The following SPON1 variants were observed in gnomAD, a reference collection of about 807,000 sequenced individuals.
SPON1 encodes the protein spondin-1.
Under a neutral mutation model 111.7 loss-of-function variants are expected in SPON1, and 52 were observed. The ratio of observed to expected loss-of-function variants is 0.47; its 90% CI spans 0.37 to 0.59. The LOEUF (loss-of-function observed/expected upper bound fraction) is 0.59, where lower values mean the gene tolerates loss of function less well. SPON1 is among the 20% of genes least tolerant of loss of function. The probability of loss-of-function intolerance (pLI) is 0.00; values close to 1 mark genes in which losing one functional copy is unlikely to be tolerated. For synonymous variants in SPON1, 410 were observed against 395.8 expected, an observed-to-expected ratio of 1.04 and a Z score of -0.43; for missense variants, 957 against 1,068.5, an observed-to-expected ratio of 0.90 and a Z score of 1.46.
chr11:14,227,772 T>TC (rs1554938278), intron 6 of SPON1, among the ~76,000 whole-genome samples: 1 of 152,186 alleles, frequency 6.6e-6, no homozygotes, highest in Non-Finnish European at 1.5e-5. Context: ...TAAGTAACAT[T>TC]CCCAGGGTTA....
intron 6 of SPON1, among the ~76,000 whole-genome samples, chr11:14,139,296 T>C (rs1468609762): frequency 6.6e-6 from 1 of 152,214 alleles, no homozygotes; most frequent in Admixed American, 6.5e-5. Flanking sequence ...ATTCATCCCT[T>C]AGGACTTAGC....
chr11:14,148,330 T>C (rs1554929557), intron 6 of SPON1, among the ~76,000 whole-genome samples: 2 of 152,154 alleles, frequency 1.3e-5, no homozygotes. Context: ...AGAATATTAA[T>C]AGTGGTTGCC....
rs782352199 is a variant in SPON1 at position 14,259,507 on chromosome 11, C to A, written c.1664-27C>A. ...AAGTAGGTCGGGGAGGCAGCAGGTGCGACTCCAATGCCGCTGGCCTCCCCA... is the reference window on the plus strand; with the variant it reads ...AAGTAGGTCGGGGAGGCAGCAGGTGAGACTCCAATGCCGCTGGCCTCCCCA... On this transcript the variant is annotated intron_variant, in intron 12 of 15. Coordinates refer to ENST00000576479, the MANE Select transcript of SPON1 (RefSeq NM_006108.4). This position sits in a 1 kb window ranked among gnomAD's most constrained non-coding sequence, Gnocchi z 5.0. 4 of 1,565,270 alleles carry A rather than the reference C, an allele frequency of 2.6e-6. No homozygotes were observed. The highest frequency in any genetic ancestry group is 3.5e-6 in the Non-Finnish European group (4 of 1,155,362).
At chr11:14,113,743 C>T (rs1489695788) in intron 5 of SPON1, among the ~76,000 whole-genome samples, 1 of 151,382 alleles carries the variant, frequency 6.6e-6, no homozygotes, top group Non-Finnish European at 1.5e-5. Flanking sequence ...GCTGGGACTA[C>T]AGGCGCCCGC....
chr11:14,247,119 T>C (rs1393913738), intron 7 of SPON1, among the ~76,000 whole-genome samples: 1 of 152,202 alleles, frequency 6.6e-6, no homozygotes, highest in Non-Finnish European at 1.5e-5. Context: ...TTAAAAGTCA[T>C]GAGTAAGACC....
intron 6 of SPON1, among the ~76,000 whole-genome samples, chr11:14,236,392 A>G (rs145170701): frequency 1.3e-5 from 2 of 152,260 alleles, no homozygotes; most frequent in African/African-American, 4.8e-5. Flanking sequence ...GATGGGAAGA[A>G]TGAAGGAGGC....
At chr11:14,235,628 A>G (rs1434576223) in intron 6 of SPON1, among the ~76,000 whole-genome samples, 5 of 140,644 alleles carry the variant, frequency 3.6e-5, no homozygotes, top group African/African-American at 1.3e-4. Flanking sequence ...ACAGTGAGCC[A>G]TGATTATGCC....
intron 2 of SPON1, among the ~76,000 whole-genome samples, chr11:13,990,852 A>T (rs1431448757): frequency 1.3e-5 from 2 of 152,186 alleles, no homozygotes; most frequent in Non-Finnish European, 2.9e-5. Context: ...GCTGGATATG[A>T]AATTCTGGGT....
At position 14,050,396 on chromosome 11, in the gene SPON1, G is replaced by T. The variant is rs547410081; in HGVS notation, c.479+8742G>T. On this transcript the variant is annotated intron_variant, in intron 3 of 15. Coordinates refer to ENST00000576479, the MANE Select transcript of SPON1 (RefSeq NM_006108.4). ...TAAAGTTTTATTGGAACACAGTTAC[G>T]TTAATTCATTTGTGTACTGTTAGAG... Among the ~76,000 whole-genome samples, 9 of 152,282 alleles carry T rather than the reference G, an allele frequency of 5.9e-5. No homozygotes were observed. The East Asian group carries it at 1.5e-3, about 26-fold the overall frequency.
Position 14,204,503 on chromosome 11 carries a change from G to T in SPON1, c.826-38829G>T, listed in dbSNP as rs574809430. 9.2e-5 allele frequency among the ~76,000 whole-genome samples: 14 copies of T among 151,988 alleles called. No individual in the cohort carries two copies. The South Asian group carries it at 2.1e-3, about 23-fold the overall frequency. ...AGGTCTCACTATGTTGCCCAGACTGGTCTCAAACTCCTGGGCTCAAGTGAT... is the reference window on the plus strand; with the variant it reads ...AGGTCTCACTATGTTGCCCAGACTGTTCTCAAACTCCTGGGCTCAAGTGAT... On this transcript the variant is annotated intron_variant, in intron 6 of 15. Coordinates refer to ENST00000576479, the MANE Select transcript of SPON1 (RefSeq NM_006108.4).
chr11:14,119,794 A>G (rs1554926317), intron 5 of SPON1, among the ~76,000 whole-genome samples: 1 of 152,164 alleles, frequency 6.6e-6, no homozygotes, highest in Non-Finnish European at 1.5e-5. Context: ...AGAAAGGACT[A>G]CCTGCACAGT....
At chr11:14,145,113 G>A (rs1554929198) in intron 6 of SPON1, among the ~76,000 whole-genome samples, 1 of 152,194 alleles carries the variant, frequency 6.6e-6, no homozygotes, top group Non-Finnish European at 1.5e-5. Context: ...GACATTGTTT[G>A]AAAGGTATGA....
rs138606322 is a variant in SPON1, at chr11:14,176,422, C to G, written c.825+40854C>G. Among the ~76,000 whole-genome samples, 368 of 152,166 alleles carry G rather than the reference C, an allele frequency of 2.4e-3. 3 individuals carry two copies. The highest frequency in any genetic ancestry group is 7.7e-3 in the African/African-American group (320 of 41,500). On this transcript the variant is annotated intron_variant, in intron 6 of 15. Transcript: ENST00000576479. ...TAGTTAGAAAGAGCCAACTGAGACCCCCAGGAGCCGAACAGACACCCTGCA... is the reference window on the plus strand; with the variant it reads ...TAGTTAGAAAGAGCCAACTGAGACCGCCAGGAGCCGAACAGACACCCTGCA...
intron 3 of SPON1, among the ~76,000 whole-genome samples, chr11:14,073,688 T>C (rs1848895025): frequency 6.6e-6 from 1 of 152,202 alleles, no homozygotes; most frequent in African/African-American, 2.4e-5. Context: ...TAAACTTTAA[T>C]CAAGGTTGTG....
chr11:14,060,312 T>C (rs1284113086), intron 3 of SPON1, among the ~76,000 whole-genome samples: 1 of 152,208 alleles, frequency 6.6e-6, no homozygotes, highest in East Asian at 1.9e-4. Context: ...ATACCAAGGA[T>C]ACCTACATAC....
intron 6 of SPON1, among the ~76,000 whole-genome samples, chr11:14,173,539 G>A (rs535220660): frequency 6.6e-6 from 1 of 152,330 alleles, no homozygotes; most frequent in South Asian, 2.1e-4. Flanking sequence ...CTGATGAGGA[G>A]CTGCGTTCCT....
intron 6 of SPON1, among the ~76,000 whole-genome samples, chr11:14,225,914 A>G (rs1306475633): frequency 6.6e-6 from 1 of 152,184 alleles, no homozygotes; most frequent in Non-Finnish European, 1.5e-5. Context: ...GCCTAAATCA[A>G]ATGTTTGTCT....
At chr11:14,010,209 C>A (rs1848393456) in intron 2 of SPON1, among the ~76,000 whole-genome samples, 1 of 152,118 alleles carries the variant, frequency 6.6e-6, no homozygotes, top group South Asian at 2.1e-4. Context: ...TGGAGAGGTA[C>A]ACTCTTGTTT....
intron 6 of SPON1, among the ~76,000 whole-genome samples, chr11:14,152,948 G>A (rs1018974090): frequency 1.3e-5 from 2 of 152,032 alleles, no homozygotes; most frequent in Non-Finnish European, 2.9e-5. Context: ...CCCCAAATTC[G>A]AGTAAATATA....
Sources: gnomAD v4.1 joint callset for allele counts (sites outside exome capture counted in the v4.1 genomes callset) on GRCh38, gnomAD v4.1.1 for gene constraint, Gnocchi (gnomAD v3.1) non-coding constraint, MANE v1.5 for transcripts, NCBI Gene and HGNC (gene_info 2026-07-23, HGNC 2026-07-21) for gene names.